The following TAB2 variants were observed in gnomAD, a reference collection of about 807,000 sequenced individuals.
The protein encoded by TAB2 is TGF-beta activated kinase 1 (MAP3K7) binding protein 2, also known as TGF-beta-activated kinase 1 and MAP3K7-binding protein 2.
A neutral mutation model predicts 65.0 loss-of-function variants in TAB2; 3 were observed. The observed-to-expected ratio is 0.05, with a 90% CI of 0.02 to 0.12. TAB2 has a LOEUF of 0.12. Among genes scored for constraint, TAB2 ranks in the 10% least tolerant of loss-of-function variants. The pLI, the probability that TAB2 is intolerant of heterozygous loss-of-function variation, is 1.00. For missense variants in TAB2, 623 were observed against 840.3 expected, an observed-to-expected ratio of 0.74 and a Z score of 3.20; for synonymous variants, 298 against 285.1, an observed-to-expected ratio of 1.05 and a Z score of -0.46.
chr6:149,379,859 T>G, intron 3 of TAB2: 1 of 453,104 alleles, frequency 2.2e-6, no homozygotes, highest in Non-Finnish European at 4.4e-6. Flanking sequence ...AAATAAAAAT[T>G]CCTAGAAATA....
intron 1 of TAB2, among the ~76,000 whole-genome samples, chr6:149,355,340 G>C (rs564392007): frequency 6.6e-6 from 1 of 152,006 alleles, no homozygotes; most frequent in Non-Finnish European, 1.5e-5. Flanking sequence ...TAAGCTGTTT[G>C]GTTCTTTTTT....
chr6:149,244,882 CA>C (rs113599251), intron 1 of TAB2: 8,120 of 132,578 alleles, frequency 0.061, 683 homozygotes, highest in African/African-American at 0.2. Context: ...GACTTCATCT[CA>C]AAAAAAAAAA....
At chr6:149,239,513 C>T (rs1037928013) in intron 1 of TAB2, among the ~76,000 whole-genome samples, 3 of 152,220 alleles carry the variant, frequency 2.0e-5, no homozygotes, top group Non-Finnish European at 2.9e-5. Flanking sequence ...CCAGGCTTTC[C>T]ACAAGAAAAG....
chr6:149,354,969 A>C (rs1780609766), intron 1 of TAB2, among the ~76,000 whole-genome samples: 1 of 152,244 alleles, frequency 6.6e-6, no homozygotes, highest in Admixed American at 6.5e-5. Context: ...TTGTGAAGTC[A>C]AAAAATAAAT....
chr6:149,233,991 C>T (rs1777450968), intron 1 of TAB2, among the ~76,000 whole-genome samples: 1 of 152,070 alleles, frequency 6.6e-6, no homozygotes, highest in African/African-American at 2.4e-5. Context: ...TACATTTATT[C>T]CTATGAAGTT....
At chr6:149,263,127 TA>T (rs1451138584) in intron 1 of TAB2, among the ~76,000 whole-genome samples, 1 of 152,218 alleles carries the variant, frequency 6.6e-6, no homozygotes, top group Non-Finnish European at 1.5e-5. Context: ...TTCTAAGAGT[TA>T]AATATTCTTT....
At chr6:149,286,777 C>A (rs4897113) in intron 1 of TAB2, among the ~76,000 whole-genome samples, 1 of 151,764 alleles carries the variant, frequency 6.6e-6, no homozygotes, top group African/African-American at 2.4e-5. Context: ...ATTAGCAGCA[C>A]GAGAAAATAC....
chr6:149,257,119 C>T (rs867576944), intron 1 of TAB2, among the ~76,000 whole-genome samples: 3 of 152,166 alleles, frequency 2.0e-5, no homozygotes, highest in Non-Finnish European at 2.9e-5. Flanking sequence ...AGCTGGGTTG[C>T]GCTTAGTGAA....
At chr6:149,327,671 A>G (rs1779659716) in intron 1 of TAB2, among the ~76,000 whole-genome samples, 1 of 152,214 alleles carries the variant, frequency 6.6e-6, no homozygotes, top group Admixed American at 6.5e-5. Context: ...TATAATTTGC[A>G]TTGAGAGTGA....
At chr6:149,307,156 A>C (rs1779087006) in intron 1 of TAB2, among the ~76,000 whole-genome samples, 1 of 151,752 alleles carries the variant, frequency 6.6e-6, no homozygotes, top group Admixed American at 6.6e-5. Flanking sequence ...TCCGTTGCAA[A>C]TATGGTCAGC....
chr6:149,275,095 T>A (rs6922846), intron 1 of TAB2, among the ~76,000 whole-genome samples: 65,621 of 136,242 alleles, frequency 0.48, 17,426 homozygotes, highest in East Asian at 0.68. Context: ...AATATCCCAT[T>A]CATTTCCCTA....
chr6:149,279,151 C>G (rs1469005987), intron 1 of TAB2, among the ~76,000 whole-genome samples: 2 of 152,140 alleles, frequency 1.3e-5, no homozygotes, highest in African/African-American at 2.4e-5. Flanking sequence ...TCATAAGGTC[C>G]CCTACAACCT....
chr6:149,381,379 A>G (rs1781600670), intron 3 of TAB2, among the ~76,000 whole-genome samples: 1 of 152,114 alleles, frequency 6.6e-6, no homozygotes, highest in African/African-American at 2.4e-5. Context: ...CCATCAAAAC[A>G]TCAGGTTTCC....
At chr6:149,249,729 T>C (rs1408583194) in intron 1 of TAB2, among the ~76,000 whole-genome samples, 1 of 152,154 alleles carries the variant, frequency 6.6e-6, no homozygotes, top group Non-Finnish European at 1.5e-5. Flanking sequence ...CGCTTTCCTG[T>C]GCAGATGCGT....
Position 149,379,131 on chromosome 6 carries a change from A to G in TAB2, c.1216A>G (p.Thr406Ala). The G allele has an allele frequency of 6.2e-7, 1 of 1,614,154 alleles. No individual in the cohort carries two copies. Among genetic ancestry groups the G allele is most frequent in the Non-Finnish European group, 8.5e-7 (1 of 1,180,022 alleles). The change falls in exon 3 of 7, where the codon ACA becomes GCA. Residue 406 changes from threonine to alanine, a missense_variant. Transcript: ENST00000637181. ...GDEQVMRNQP[T>A]LFISTNSGAS... The stretch of plus-strand genomic sequence containing the variant: ...TGAACAGGTCATGCGGAATCAGCCC[A>G]CACTCTTCATATCCACAAACTCTGG...
chr6:149,349,914 A>G (rs770881838), intron 1 of TAB2, among the ~76,000 whole-genome samples: 2 of 152,020 alleles, frequency 1.3e-5, no homozygotes, highest in African/African-American at 2.4e-5. Flanking sequence ...CTTGGGAACT[A>G]ACATACATGC....
intron 1 of TAB2, among the ~76,000 whole-genome samples, chr6:149,274,055 T>A (rs12206694): frequency 0.028 from 4,190 of 152,332 alleles, 64 homozygotes; most frequent in Middle Eastern, 0.034. Flanking sequence ...GTCTTCAAAG[T>A]ATAATATTTC....
chr6:149,395,165 C>T (rs1160408054), intron 3 of TAB2, among the ~76,000 whole-genome samples: 2 of 152,234 alleles, frequency 1.3e-5, no homozygotes, highest in Non-Finnish European at 2.9e-5. Flanking sequence ...TCCAAAATGC[C>T]TACAACAACA....
intron 1 of TAB2, among the ~76,000 whole-genome samples, chr6:149,332,114 A>G (rs1252945680): frequency 6.6e-6 from 1 of 152,162 alleles, no homozygotes; most frequent in African/African-American, 2.4e-5. Context: ...CCATTGACTC[A>G]GTTTGGGAGC....
Sources: gnomAD v4.1 joint callset for allele counts (sites outside exome capture counted in the v4.1 genomes callset) on GRCh38, gnomAD v4.1.1 for gene constraint, MANE v1.5 for transcripts, NCBI Gene and HGNC (gene_info 2026-07-23, HGNC 2026-07-21) for gene names.